The following COL1A2 variants were observed in gnomAD, a reference collection of about 807,000 sequenced individuals.
COL1A2 encodes the protein collagen type I alpha 2 chain.
Under a neutral mutation model 174.3 loss-of-function variants are expected in COL1A2, and 49 were observed. The observed-to-expected ratio is 0.28, with a 90% CI of 0.22 to 0.36. The LOEUF is 0.36. Among genes scored for constraint, COL1A2 ranks in the 10% least tolerant of loss-of-function variants. The pLI is 1.00. For missense variants in COL1A2, 1,438 were observed against 1,822.7 expected, an observed-to-expected ratio of 0.79 and a Z score of 3.84; for synonymous variants, 655 against 606.6, an observed-to-expected ratio of 1.08 and a Z score of -1.17.
intron 29 of COL1A2, among the ~76,000 whole-genome samples, chr7:94,414,940 A>G (rs1288370334): frequency 6.6e-6 from 1 of 152,252 alleles, no homozygotes; most frequent in Admixed American, 6.5e-5. Flanking sequence ...TTATCTTATT[A>G]TTGAAGGAAA....
chr7:94,410,616 G>A, intron 21 of COL1A2, 89 bp downstream of exon 21: 1 of 1,152,978 alleles, frequency 8.7e-7, no homozygotes, highest in Non-Finnish European at 1.3e-6. Context: ...TACTGACTGT[G>A]TTTTCTTAGG....
At position 94,424,812 on chromosome 7, in the gene COL1A2, T is replaced by C. The variant is rs929781670; in HGVS notation, c.2674-305T>C. Reference sequence around the variant, plus strand: ...ATTAAACCTTATACGTGACAACAACTAGAAACCATCTCATCTCCATAAAAT... The same window carrying C: ...ATTAAACCTTATACGTGACAACAACCAGAAACCATCTCATCTCCATAAAAT... On this transcript the variant is annotated intron_variant, in intron 41 of 51. Transcript: ENST00000297268. The C allele has an allele frequency of 2.3e-5, 11 of 476,170 alleles. No individual in the cohort carries two copies. In the East Asian group the frequency reaches 3.7e-4, roughly 16 times the overall value. The allele number at this position is 476,170 out of a possible 1,614,324, so 29.5% of individuals were successfully genotyped here.
chr7:94,414,067 G>T (rs1224893879), intron 28 of COL1A2, 120 bp downstream of exon 28: 4 of 1,330,086 alleles, frequency 3.0e-6, no homozygotes, highest in Non-Finnish European at 4.3e-6. Context: ...AGCAAAGAAA[G>T]GTGCATTTTT....
chr7:94,420,350 T>G (rs1349065382), intron 35 of COL1A2, 41 bp from the exon 36 acceptor site: 1 of 1,614,120 alleles, frequency 6.2e-7, no homozygotes, highest in Admixed American at 1.7e-5. Context: ...TTGATGAACC[T>G]AGGATTGATA....
intron 29 of COL1A2, among the ~76,000 whole-genome samples, chr7:94,414,691 G>A (rs1792000609): frequency 6.6e-6 from 1 of 152,060 alleles, no homozygotes; most frequent in East Asian, 1.9e-4. Context: ...CACAATCAGG[G>A]CATGAGTTCT....
chr7:94,404,911 G>A lies in COL1A2; in HGVS notation c.432+19G>A. 2 of 1,613,496 alleles carry A rather than the reference G, an allele frequency of 1.2e-6. No homozygotes were observed. Among genetic ancestry groups the A allele is most frequent in the South Asian group, 2.2e-5 (2 of 91,064 alleles). On this transcript the variant is annotated intron_variant, in intron 9 of 51. Coordinates refer to ENST00000297268, the MANE Select transcript of COL1A2 (RefSeq NM_000089.4). Reference sequence around the variant, plus strand: ...TGAAGATGTAAGTATTTACTCTTAAGCACTTTCAAAATGCTATTTAAATAC... The same window carrying A: ...TGAAGATGTAAGTATTTACTCTTAAACACTTTCAAAATGCTATTTAAATAC...
At position 94,409,364 on chromosome 7, in the gene COL1A2, G is replaced by A. The variant is rs374616916; in HGVS notation, c.835G>A (p.Ala279Thr). The change falls in exon 17 of 52, where the codon GCC (alanine) becomes ACC (threonine). Residue 279 changes from alanine to threonine, a missense_variant. Physicochemically the swap from Ala to Thr is moderately conservative, Grantham distance 58. Around this residue, in one of 3 missense-constraint regions of COL1A2, gnomAD observed 867 missense variants for 1,213.7 expected, o/e 0.71. Transcript: ENST00000297268. ...AVGNAGPAGP[A>T]GPRGEVGLPG... is the part of the protein sequence containing the mutation. ...TGGTAACGCTGGTCCTGCTGGTCCC[G>A]CCGGTCCCCGTGGTGAAGTGGGTCT... is the stretch of plus-strand genomic sequence containing the variant. 16 of 1,614,030 alleles carry A rather than the reference G, an allele frequency of 9.9e-6. 1 individual carries two copies. In the South Asian group the frequency reaches 1.2e-4, roughly 12 times the overall value.
At chr7:94,425,044 G>T (rs948019779) in intron 41 of COL1A2, 73 bp from the exon 42 acceptor site, 14 of 1,279,496 alleles carry the variant, frequency 1.1e-5, no homozygotes, top group Non-Finnish European at 1.4e-5. Context: ...TCCTGAGTAG[G>T]GTTGTTTTGG....
intron 41 of COL1A2, 172 bp downstream of exon 41, chr7:94,424,615 C>T (rs1180831309): frequency 4.8e-6 from 3 of 619,874 alleles, no homozygotes; most frequent in Non-Finnish European, 8.5e-6. Context: ...TACCACCTTA[C>T]TTAGACACAC....
At position 94,409,367 on chromosome 7, in the gene COL1A2, G is replaced by A. The variant is rs72656387; in HGVS notation, c.838G>A (p.Gly280Ser). The A allele has an allele frequency of 3.7e-6, 6 of 1,614,028 alleles. No individual in the cohort carries two copies. The highest frequency in any genetic ancestry group is 3.3e-5 in the Admixed American group (2 of 59,998). ...VGNAGPAGPAGPRGEVGLPGL... is the reference protein window; with the variant it reads ...VGNAGPAGPASPRGEVGLPGL... ...TAACGCTGGTCCTGCTGGTCCCGCC[G>A]GTCCCCGTGGTGAAGTGGGTCTTCC... is the stretch of plus-strand genomic sequence containing the variant. Residue 280 changes from glycine (G) to serine (S), a missense_variant, in exon 17 of 52, where the codon GGT (glycine) becomes AGT (serine). Physicochemically the swap from Gly to Ser is moderately conservative, Grantham distance 56. Coordinates refer to ENST00000297268, the MANE Select transcript of COL1A2 (RefSeq NM_000089.4).
intron 30 of COL1A2, among the ~76,000 whole-genome samples, chr7:94,415,961 A>G (rs1467297592): frequency 3.3e-5 from 5 of 152,182 alleles, no homozygotes; most frequent in Non-Finnish European, 5.9e-5. Context: ...TAACTGTTAT[A>G]TCATTATTAC....
Position 94,429,321 on chromosome 7 carries a change from A to T in COL1A2, c.3845A>T (p.Glu1282Val). The T allele has an allele frequency of 1.2e-6, 2 of 1,614,128 alleles. No homozygotes were observed. The highest frequency in any genetic ancestry group is 2.2e-5 in the South Asian group (2 of 91,080). ...AACAGCATTGCATACATGGATGAGG[A>T]GACTGGCAACCTGAAAAAGGCTGTC... is the stretch of plus-strand genomic sequence containing the variant. ...CKNSIAYMDE[E>V]TGNLKKAVIL... Residue 1282 changes from glutamate (E) to valine (V), a missense_variant, in exon 51 of 52, where the codon GAG (glutamate) becomes GTG (valine). By Grantham distance (121) the Glu-to-Val change is moderately radical. This residue lies in a region of COL1A2 where 290 missense variants were observed against 298.1 expected (regional missense o/e 0.97). Transcript: ENST00000297268.
Position 94,413,694 on chromosome 7 carries a change from C to T in COL1A2, c.1562C>T (p.Ala521Val), listed in dbSNP as rs140434765. Reference protein sequence around the residue: ...GHAGLAGARGAPGPDGNNGAQ... With the variant: ...GHAGLAGARGVPGPDGNNGAQ... ...CTTTCTGTTAAATATTTTTAGGGTG[C>T]TCCAGGTCCTGATGGAAACAATGGT... Residue 521 changes from alanine to valine, a missense_variant, in exon 27 of 52, where the codon GCT (alanine) becomes GTT (valine). Coordinates refer to ENST00000297268, the MANE Select transcript of COL1A2 (RefSeq NM_000089.4). 1.9e-6 allele frequency: 3 copies of T among 1,614,170 alleles called. No individual in the cohort carries two copies. The highest frequency in any genetic ancestry group is 2.5e-6 in the Non-Finnish European group (3 of 1,179,982).
chr7:94,404,997 C>T (rs1791766106), intron 9 of COL1A2, 105 bp downstream of exon 9: 1 of 1,298,274 alleles, frequency 7.7e-7, no homozygotes, highest in African/African-American at 1.5e-5. Flanking sequence ...CTGAATATGC[C>T]TGACAGAACT....
chr7:94,407,093 G>T (rs1325938979), intron 12 of COL1A2, among the ~76,000 whole-genome samples: 2 of 152,088 alleles, frequency 1.3e-5, no homozygotes, highest in African/African-American at 4.8e-5. Context: ...CCCTCATTTT[G>T]CAGAGGTGGG....
chr7:94,397,471 T>G (rs1791606340), intron 1 of COL1A2, among the ~76,000 whole-genome samples: 1 of 152,158 alleles, frequency 6.6e-6, no homozygotes, highest in African/African-American at 2.4e-5. Flanking sequence ...TCAGACACAT[T>G]AATATTTCAC....
chr7:94,398,506 A>C, intron 3 of COL1A2, 110 bp downstream of exon 3: 1 of 430,092 alleles, frequency 2.3e-6, no homozygotes, highest in Non-Finnish European at 4.0e-6. Flanking sequence ...AATTTTGTTC[A>C]TATGAATATA....
chr7:94,429,164 G>A (rs1027778271), intron 50 of COL1A2, 24 bp from the exon 51 acceptor site: 81 of 1,550,848 alleles, frequency 5.2e-5, no homozygotes, highest in Non-Finnish European at 6.8e-5. Context: ...CCACTTAACT[G>A]GAATTTCATC....
chr7:94,413,634 A>T, intron 26 of COL1A2, 56 bp from the exon 27 acceptor site: 1 of 1,533,758 alleles, frequency 6.5e-7, no homozygotes, highest in Non-Finnish European at 9.0e-7. Flanking sequence ...GCTTTGAGAC[A>T]TCTTAAACTA....
Sources: gnomAD v4.1 joint callset for allele counts (sites outside exome capture counted in the v4.1 genomes callset) on GRCh38, gnomAD v4.1.1 for gene constraint, gnomAD v4.1.1 regional missense constraint, MANE v1.5 for transcripts, NCBI Gene and HGNC (gene_info 2026-07-23, HGNC 2026-07-21) for gene names.